The following ALCAM variants were observed in gnomAD, a reference collection of about 807,000 sequenced individuals.
ALCAM encodes CD166 antigen.
In ALCAM, 30 loss-of-function variants were observed where a neutral mutation model predicts 70.9. The ratio of observed to expected loss-of-function variants is 0.42; its 90% CI spans 0.32 to 0.57. ALCAM has a LOEUF of 0.57. Ranked by LOEUF, ALCAM falls within the 20% of genes least tolerant of loss-of-function variation. The pLI is 0.11. For synonymous variants in ALCAM, 249 were observed against 242.5 expected, an observed-to-expected ratio of 1.03 and a Z score of -0.25; for missense variants, 591 against 695.1, an observed-to-expected ratio of 0.85 and a Z score of 1.68.
At chr3:105,574,302 T>G (rs1940917723) in intron 15 of ALCAM, among the ~76,000 whole-genome samples, 175 bp from the exon 16 acceptor site, 1 of 152,104 alleles carries the variant, frequency 6.6e-6, no homozygotes, top group Non-Finnish European at 1.5e-5. Flanking sequence ...CAAAAACTAT[T>G]TGTAGAATGG....
intron 14 of ALCAM, among the ~76,000 whole-genome samples, chr3:105,563,373 T>TC: frequency 6.6e-6 from 1 of 151,400 alleles, no homozygotes; most frequent in South Asian, 2.1e-4. Context: ...ACTTTTTGCT[T>TC]TTTTTATCTC....
chr3:105,382,666 T>G (rs1325993053), intron 1 of ALCAM, among the ~76,000 whole-genome samples: 1 of 152,086 alleles, frequency 6.6e-6, no homozygotes, highest in Non-Finnish European at 1.5e-5. Context: ...ATTGTGGTTT[T>G]GATTTGCATT....
At chr3:105,405,129 T>C (rs1383499933) in intron 1 of ALCAM, among the ~76,000 whole-genome samples, 1 of 151,666 alleles carries the variant, frequency 6.6e-6, no homozygotes, top group African/African-American at 2.4e-5. Context: ...AATACAAAAT[T>C]AGCTGGGCGT....
intron 1 of ALCAM, among the ~76,000 whole-genome samples, chr3:105,408,460 C>T (rs1936304195): frequency 6.6e-6 from 1 of 151,986 alleles, no homozygotes. Flanking sequence ...GAAAGGACAC[C>T]CTATTCAACA....
chr3:105,388,405 T>C (rs994863876), intron 1 of ALCAM, among the ~76,000 whole-genome samples: 1 of 151,614 alleles, frequency 6.6e-6, no homozygotes, highest in African/African-American at 2.4e-5. Flanking sequence ...TCCTCAAATT[T>C]GAAATGCTAC....
chr3:105,479,805 C>T (rs1282808066), intron 1 of ALCAM, among the ~76,000 whole-genome samples: 1 of 152,054 alleles, frequency 6.6e-6, no homozygotes, highest in African/African-American at 2.4e-5. Context: ...TCCCTATGAA[C>T]TTACATGGTG....
At chr3:105,373,305 CTT>C (rs1483976122) in intron 1 of ALCAM, among the ~76,000 whole-genome samples, 4 of 152,008 alleles carry the variant, frequency 2.6e-5, no homozygotes, top group African/African-American at 4.8e-5. Flanking sequence ...TTAAAAAAGA[CTT>C]TATTTTTGAT....
At chr3:105,505,740 A>T (rs1939055899) in intron 1 of ALCAM, among the ~76,000 whole-genome samples, 1 of 152,228 alleles carries the variant, frequency 6.6e-6, no homozygotes, top group Non-Finnish European at 1.5e-5. Context: ...TAAATAACTT[A>T]TTAAATTCTA....
intron 1 of ALCAM, among the ~76,000 whole-genome samples, chr3:105,509,578 G>A (rs1205073253): frequency 7.3e-5 from 11 of 151,432 alleles, no homozygotes; most frequent in Admixed American, 5.9e-4. Flanking sequence ...GTTTTGTTTT[G>A]TTTACTACTA....
intron 1 of ALCAM, among the ~76,000 whole-genome samples, chr3:105,508,261 T>A (rs896852949): frequency 6.6e-6 from 1 of 152,174 alleles, no homozygotes; most frequent in Admixed American, 6.5e-5. Context: ...ATCCACAATA[T>A]AAAATGAAAT....
chr3:105,424,451 G>C (rs1322484999), intron 1 of ALCAM, among the ~76,000 whole-genome samples: 1 of 151,606 alleles, frequency 6.6e-6, no homozygotes, highest in Non-Finnish European at 1.5e-5. Flanking sequence ...AATAAATATT[G>C]TGAGCATAAG....
intron 1 of ALCAM, among the ~76,000 whole-genome samples, chr3:105,395,647 A>T (rs1179132743): frequency 1.3e-5 from 2 of 152,024 alleles, no homozygotes; most frequent in Non-Finnish European, 2.9e-5. Flanking sequence ...AACAGGATCT[A>T]GCTTAAGCAA....
chr3:105,487,599 C>T (rs1938468052), intron 1 of ALCAM, among the ~76,000 whole-genome samples: 1 of 152,108 alleles, frequency 6.6e-6, no homozygotes, highest in Admixed American at 6.6e-5. Flanking sequence ...GGACTAGAAA[C>T]AGAAGAGTTA....
At chr3:105,503,479 C>T (rs1211057418) in intron 1 of ALCAM, among the ~76,000 whole-genome samples, 2 of 152,272 alleles carry the variant, frequency 1.3e-5, no homozygotes, top group East Asian at 1.9e-4. Flanking sequence ...TTCACTGTGC[C>T]TCTTTTTCAT....
At chr3:105,569,864 CT>C (rs1284356676) in intron 14 of ALCAM, among the ~76,000 whole-genome samples, 1 of 152,048 alleles carries the variant, frequency 6.6e-6, no homozygotes, top group Non-Finnish European at 1.5e-5. Flanking sequence ...ATTTTTTGAG[CT>C]AAAGAAAGGG....
intron 1 of ALCAM, among the ~76,000 whole-genome samples, chr3:105,380,305 C>A (rs1287820520): frequency 6.6e-6 from 1 of 151,506 alleles, no homozygotes; most frequent in African/African-American, 2.4e-5. Context: ...TGATTTTGTT[C>A]AAAAATTTAT....
At chr3:105,472,174 G>GT (rs370778619) in intron 1 of ALCAM, among the ~76,000 whole-genome samples, 119 of 151,278 alleles carry the variant, frequency 7.9e-4, no homozygotes, top group African/African-American at 2.8e-3. Context: ...TGTAGGCCTA[G>GT]TTTTTTTGTT....
At position 105,572,182 on chromosome 3, in the gene ALCAM, G is replaced by A. The variant is rs112415260; in HGVS notation, c.*25+218G>A. 5.9e-5 allele frequency among the ~76,000 whole-genome samples: 9 copies of A among 152,146 alleles called. No homozygotes were observed. The South Asian group carries it at 6.2e-4, about 11-fold the overall frequency. ...ATAAACGTGCCATGGTAGTTTGCACGCATCAACCCATCATCTACATTAGGT... is the reference window on the plus strand; with the variant it reads ...ATAAACGTGCCATGGTAGTTTGCACACATCAACCCATCATCTACATTAGGT... On this transcript the variant is annotated intron_variant, in intron 15 of 15. Coordinates refer to ENST00000306107, the MANE Select transcript of ALCAM (RefSeq NM_001627.4).
chr3:105,565,846 C>T (rs1940731244), intron 14 of ALCAM, among the ~76,000 whole-genome samples: 2 of 152,314 alleles, frequency 1.3e-5, no homozygotes, highest in South Asian at 2.1e-4. Flanking sequence ...TTCTCATGCG[C>T]TTTTCTTTGC....
Sources: allele counts gnomAD v4.1 joint callset (sites outside exome capture counted in the v4.1 genomes callset), GRCh38; gene constraint gnomAD v4.1.1; transcripts MANE v1.5; gene names NCBI Gene and HGNC (gene_info 2026-07-23, HGNC 2026-07-21).